MAML3: variants seen among roughly 807,000 people sequenced by gnomAD.
MAML3 encodes mastermind like transcriptional coactivator 3.
A neutral mutation model predicts 101.9 loss-of-function variants in MAML3; 27 were observed. The observed-to-expected ratio is 0.27, with a 90% confidence interval of 0.20 to 0.37. The LOEUF (loss-of-function observed/expected upper bound fraction) is 0.37. Ranked by LOEUF, MAML3 falls within the 10% of genes least tolerant of loss-of-function variation. The pLI is 1.00. For synonymous variants in MAML3, 501 were observed against 555.9 expected (o/e 0.90, Z 1.39); for missense variants, 1,316 against 1,444.9 (o/e 0.91, Z 1.45).
At chr4:139,727,657 GT>G (rs2110978736) in intron 3 of MAML3, among the ~76,000 whole-genome samples, 1 of 152,316 alleles carries the variant, frequency 6.6e-6, no homozygotes, top group African/African-American at 2.4e-5. Context: ...TGGATGAGAG[GT>G]TATGTGCTTT....
chr4:140,091,543 C>CAAAAAAAA (rs1186102121), intron 1 of MAML3, among the ~76,000 whole-genome samples: 5 of 108,280 alleles, frequency 4.6e-5, no homozygotes, highest in South Asian at 3.3e-4. Context: ...AAAACAAAAA[C>CAAAAAAAA]AAAACAAAAA....
At chr4:140,033,502 G>T (rs895199289) in intron 1 of MAML3, among the ~76,000 whole-genome samples, 6 of 152,170 alleles carry the variant, frequency 3.9e-5, no homozygotes, top group African/African-American at 1.4e-4. Flanking sequence ...AGGCTGGGCA[G>T]GCCCAGCCTG....
chr4:139,852,403 GTTTTTTTTTTTTTT>G (rs67349785), intron 2 of MAML3, among the ~76,000 whole-genome samples: 8 of 68,326 alleles, frequency 1.2e-4, no homozygotes. Flanking sequence ...TCAGAAGACT[GTTTTTTTTTTTTTT>G]TTTTTTTTTT....
chr4:139,997,274 A>G (rs1734836318), intron 1 of MAML3, among the ~76,000 whole-genome samples: 1 of 151,186 alleles, frequency 6.6e-6, no homozygotes, highest in Admixed American at 6.6e-5. Context: ...TTAAATACAT[A>G]TTTTCTGACT....
chr4:140,034,412 A>G (rs1327087915), intron 1 of MAML3, among the ~76,000 whole-genome samples: 1 of 152,226 alleles, frequency 6.6e-6, no homozygotes, highest in African/African-American at 2.4e-5. Context: ...ACCTTGAAAA[A>G]GAGATGGAGT....
chr4:139,906,982 G>A (rs1286116857), intron 1 of MAML3, among the ~76,000 whole-genome samples: 2 of 151,950 alleles, frequency 1.3e-5, no homozygotes, highest in Non-Finnish European at 2.9e-5. Context: ...GTTACCTTTT[G>A]TCTAAACACC....
At chr4:139,850,003 G>A (rs1731518688) in intron 2 of MAML3, among the ~76,000 whole-genome samples, 1 of 152,070 alleles carries the variant, frequency 6.6e-6, no homozygotes, top group African/African-American at 2.4e-5. Context: ...TCTTACATGA[G>A]ATTTACAGAC....
At chr4:140,074,189 GAGAAAGAAAGAGAA>G (rs1328881835) in intron 1 of MAML3, among the ~76,000 whole-genome samples, 1 of 117,618 alleles carries the variant, frequency 8.5e-6, no homozygotes, top group Non-Finnish European at 1.8e-5. Flanking sequence ...GAGAGAGAGA[GAGAAAGAAAGAGAA>G]AGAAAGAAAG....
At chr4:139,956,840 C>T (rs571736196) in intron 1 of MAML3, among the ~76,000 whole-genome samples, 18 of 152,280 alleles carry the variant, frequency 1.2e-4, no homozygotes, top group Admixed American at 4.6e-4. Flanking sequence ...GACAAAAGGT[C>T]GAGACACTCT....
chr4:139,733,605 C>T (rs1202940109), intron 2 of MAML3, among the ~76,000 whole-genome samples: 1 of 150,464 alleles, frequency 6.6e-6, no homozygotes, highest in African/African-American at 2.4e-5. Flanking sequence ...TTATGTATTT[C>T]CCCAAATAAT....
chr4:139,751,664 T>G (rs904439877), intron 2 of MAML3, among the ~76,000 whole-genome samples: 1 of 152,116 alleles, frequency 6.6e-6, no homozygotes, highest in African/African-American at 2.4e-5. Flanking sequence ...GTGCTTAGGT[T>G]CTAAGGGGTG....
At chr4:140,073,652 T>C (rs549946626) in intron 1 of MAML3, among the ~76,000 whole-genome samples, 1 of 152,244 alleles carries the variant, frequency 6.6e-6, no homozygotes, top group African/African-American at 2.4e-5. Flanking sequence ...AGGGGGTGTA[T>C]GTGAGTCAAG....
intron 1 of MAML3, among the ~76,000 whole-genome samples, chr4:139,901,455 G>A (rs528274349): frequency 6.6e-6 from 1 of 152,160 alleles, no homozygotes; most frequent in South Asian, 2.1e-4. Flanking sequence ...ATATCCTTAG[G>A]AATATCTCCT....
chr4:140,084,182 G>T (rs1217788765), intron 1 of MAML3, among the ~76,000 whole-genome samples: 1 of 152,172 alleles, frequency 6.6e-6, no homozygotes, highest in Non-Finnish European at 1.5e-5. Flanking sequence ...GCACGTGAGA[G>T]AAACTTTATC....
chr4:140,129,920 G>A (rs958952615), intron 1 of MAML3, among the ~76,000 whole-genome samples: 5 of 151,068 alleles, frequency 3.3e-5, no homozygotes, highest in Non-Finnish European at 7.4e-5. Context: ...AGCCAAGATT[G>A]TGCCACTGCA....
At chr4:139,922,771 G>A (rs147905055) in intron 1 of MAML3, among the ~76,000 whole-genome samples, 1 of 152,278 alleles carries the variant, frequency 6.6e-6, no homozygotes, top group East Asian at 1.9e-4. Flanking sequence ...CAATGCTCAC[G>A]TGGTGCCATC....
chr4:139,829,104 A>G (rs191430878), intron 2 of MAML3, among the ~76,000 whole-genome samples: 2 of 143,858 alleles, frequency 1.4e-5, no homozygotes, highest in African/African-American at 2.9e-5. Flanking sequence ...GGAAAAGGAA[A>G]GAAAGGAAGA....
At chr4:139,809,865 TACACACACACACACAC>T (rs71584333) in intron 2 of MAML3, among the ~76,000 whole-genome samples, 2 of 142,948 alleles carry the variant, frequency 1.4e-5, no homozygotes, top group African/African-American at 5.2e-5. Context: ...TACCTGCACG[TACACACACACACACAC>T]ACACACACAC....
intron 2 of MAML3, 95 bp from the exon 3 acceptor site, chr4:139,730,762 G>A: frequency 8.4e-7 from 1 of 1,183,474 alleles, no homozygotes; most frequent in Non-Finnish European, 1.2e-6. Context: ...CGGGGCAGAA[G>A]TCCCAGCTTA....
Sources: gnomAD v4.1 joint callset for allele counts (sites outside exome capture counted in the v4.1 genomes callset) on GRCh38, gnomAD v4.1.1 for gene constraint, MANE v1.5 for transcripts, NCBI Gene and HGNC (gene_info 2026-07-23, HGNC 2026-07-21) for gene names.